Variants in BDH1 observed in about 807,000 individuals in gnomAD.
BDH1 encodes the protein 3-hydroxybutyrate dehydrogenase 1.
BDH1 carries 30 observed loss-of-function variants against 33.1 expected under a neutral mutation model. That is an observed-to-expected ratio of 0.91 (90% CI 0.68 to 1.23). The LOEUF (loss-of-function observed/expected upper bound fraction) is 1.23. BDH1 is among the 50% of genes most tolerant of loss of function. The pLI is 0.00. For synonymous variants in BDH1, 190 were observed against 183.6 expected (o/e 1.03, Z -0.28); for missense variants, 443 against 464.4 (o/e 0.95, Z 0.42).
intron 1 of BDH1, among the ~76,000 whole-genome samples, chr3:197,562,328 C>T (rs995696704): frequency 6.6e-6 from 1 of 152,132 alleles, no homozygotes; most frequent in Non-Finnish European, 1.5e-5. Flanking sequence ...TAATTAATCT[C>T]AATTGTGTTT....
At chr3:197,513,461 A>AGCCCATCCAGGTGTGCCCCCGGGAGGGCC (rs1712325198) in intron 7 of BDH1, among the ~76,000 whole-genome samples, 106 of 97,612 alleles carry the variant, frequency 1.1e-3, no homozygotes, top group Non-Finnish European at 1.9e-3. Context: ...CCGGGAGGGC[A>AGCCCATCCAGGTGTGCCCCCGGGAGGGCC]CTCAGCCCAT....
rs1456039480 is a variant in BDH1 at position 197,512,710 on chromosome 3, G to A, written c.563-346C>T. ...GGGAGAAGTGGGAGGCGAGACAGCT[G>A]TCTGTGTGGATCTGAGCTTTCACTA... On this transcript the variant is annotated intron_variant, in intron 7 of 7. Transcript: ENST00000392379. Among the ~76,000 whole-genome samples, 3 of 152,224 alleles carry A rather than the reference G, an allele frequency of 2.0e-5. 1 individual carries two copies. The highest frequency in any genetic ancestry group is 7.2e-5 in the African/African-American group (3 of 41,446).
At position 197,512,382 on chromosome 3, in the gene BDH1, G is replaced by A; in HGVS notation, c.563-18C>T. 2 of 1,590,430 alleles carry A rather than the reference G, an allele frequency of 1.3e-6. No homozygotes were observed. The highest frequency in any genetic ancestry group is 1.7e-6 in the Non-Finnish European group (2 of 1,172,316). On this transcript the variant is annotated intron_variant, in intron 7 of 7. Transcript: ENST00000392379. The stretch of plus-strand genomic sequence containing the variant: ...GACGCGGCCTACAGAGGGAGACAGA[G>A]GTACCTGCTAAGCCGTTACTGCCCT...
rs377336632 is a variant in BDH1, at chr3:197,546,503, C to T, written c.-43-17G>A. The T allele has an allele frequency of 1.8e-5, 27 of 1,519,758 alleles. No homozygotes were observed. The African/African-American group carries it at 3.2e-4, about 18-fold the overall frequency. 94.1% of individuals were successfully genotyped at this position (1,519,758 alleles called of 1,614,324 possible). ...CCGGTGGTTCTGAAACATAAATGCA[C>T]CCTCAGCATTACTTTGTTGCCTTCC... On this transcript the variant is annotated splice_polypyrimidine_tract_variant and intron_variant, in intron 2 of 7. Coordinates refer to ENST00000392379, the MANE Select transcript of BDH1 (RefSeq NM_203314.3).
rs956416042 is a variant in BDH1, at chr3:197,516,867, C to G, written c.410-2451G>C. Among the ~76,000 whole-genome samples, 1 of 152,028 alleles carries G rather than the reference C, an allele frequency of 6.6e-6. No homozygotes were observed. Among genetic ancestry groups the G allele is most frequent in the Non-Finnish European group, 1.5e-5 (1 of 68,012 alleles). On this transcript the variant is annotated intron_variant, in intron 6 of 7. Coordinates refer to ENST00000392379, the MANE Select transcript of BDH1 (RefSeq NM_203314.3). This position sits in a 1 kb window ranked among gnomAD's most constrained non-coding sequence, Gnocchi z 4.2. ...TCAAGCCCTTTACATTCATTAACTT[C>G]CCTGATCCTCACAACCACCCTGGAA...
At chr3:197,539,382 C>T (rs776078712) in intron 3 of BDH1, among the ~76,000 whole-genome samples, 40 of 152,116 alleles carry the variant, frequency 2.6e-4, no homozygotes, top group Non-Finnish European at 4.1e-4. Flanking sequence ...TCAGGTGTTC[C>T]GCCCACCTCA....
chr3:197,569,441 T>C (rs1486263084), intron 1 of BDH1, among the ~76,000 whole-genome samples: 1 of 152,166 alleles, frequency 6.6e-6, no homozygotes, highest in Non-Finnish European at 1.5e-5. Context: ...TAGGTTCTGG[T>C]TGATTATATT....
Position 197,554,384 on chromosome 3 carries a change from T to C in BDH1, c.-44+178A>G, listed in dbSNP as rs533673669. On this transcript the variant is annotated intron_variant, in intron 2 of 7. Transcript: ENST00000392379. This position sits in a 1 kb window ranked among gnomAD's most constrained non-coding sequence, Gnocchi z 4.4. The stretch of plus-strand genomic sequence containing the variant: ...CCCAAATGTTGAATCACTCTCTTCT[T>C]GCTCCTCCGAATATTTATTGTGTGA... 1 of 152,354 alleles carries C rather than the reference T, an allele frequency of 6.6e-6. No individual in the cohort carries two copies. Among genetic ancestry groups the C allele is most frequent in the Non-Finnish European group, 1.5e-5 (1 of 68,042 alleles). 9.4% of individuals were successfully genotyped at this position (152,354 alleles called of 1,614,324 possible).
rs1461059867 is a variant in BDH1, at chr3:197,516,804, A to G, written c.410-2388T>C. Among the ~76,000 whole-genome samples the G allele has an allele frequency of 1.3e-5, 2 of 151,778 alleles. No individual in the cohort carries two copies. The highest frequency in any genetic ancestry group is 2.9e-5 in the Non-Finnish European group (2 of 67,972). ...TGAGTCACCCAGTACTGCTAATATT[A>G]CAGCTCAAGATCAACATGACAGCTG... On this transcript the variant is annotated intron_variant, in intron 6 of 7. Transcript: ENST00000392379. The surrounding 1 kb of genome is among the most constrained non-coding windows in gnomAD (Gnocchi z 4.2).
intron 3 of BDH1, among the ~76,000 whole-genome samples, chr3:197,542,540 T>TTTTTTTTTG (rs1715731114): frequency 2.0e-5 from 3 of 147,620 alleles, no homozygotes; most frequent in Admixed American, 6.7e-5. Context: ...TTTTTTTTTT[T>TTTTTTTTTG]GAGACGGAGT....
At chr3:197,559,242 T>C (rs2686101), upstream of BDH1, among the ~76,000 whole-genome samples, 114,348 of 151,914 alleles carry the variant, frequency 0.75, 44,006 homozygotes, top group African/African-American at 0.89. Context: ...TCAGATGATC[T>C]GCCCACCTCA....
chr3:197,524,618 CAAG>C (rs918376366), intron 5 of BDH1, among the ~76,000 whole-genome samples: 1 of 151,824 alleles, frequency 6.6e-6, no homozygotes, highest in Non-Finnish European at 1.5e-5. Context: ...GAGCCAGGAC[CAAG>C]AAGTCCAGCT....
intron 4 of BDH1, 35 bp downstream of exon 4, chr3:197,533,454 C>A (rs775316022): frequency 5.0e-6 from 8 of 1,607,280 alleles, no homozygotes; most frequent in Non-Finnish European, 6.8e-6. Flanking sequence ...TTCTGACCAT[C>A]CAACTGGCTC....
Position 197,532,534 on chromosome 3 carries a change from G to A in BDH1, c.157-12C>T. On this transcript the variant is annotated splice_polypyrimidine_tract_variant and intron_variant, in intron 4 of 7. Coordinates refer to ENST00000392379, the MANE Select transcript of BDH1 (RefSeq NM_203314.3). ...GCTTTGCTGCCAACCTGTTTTACAAGGTCAGATTCCATGTTAGGAACCGGT... is the reference window on the plus strand; with the variant it reads ...GCTTTGCTGCCAACCTGTTTTACAAAGTCAGATTCCATGTTAGGAACCGGT... 1 of 1,607,166 alleles carries A rather than the reference G, an allele frequency of 6.2e-7. No individual in the cohort carries two copies. The highest frequency in any genetic ancestry group is 8.5e-7 in the Non-Finnish European group (1 of 1,173,792).
In BDH1 at chr3:197,514,418, T is replaced by C. The variant is rs777386089; in HGVS notation, c.410-2A>G. On this transcript the variant is annotated splice_acceptor_variant, in intron 6 of 7. Coordinates refer to ENST00000392379, the MANE Select transcript of BDH1 (RefSeq NM_203314.3). LOFTEE classifies it high-confidence loss of function. This position sits in a 1 kb window ranked among gnomAD's most constrained non-coding sequence, Gnocchi z 4.2. ...CATTGTTAACGAGGCCCCACATGCC[T>C]GGACAGGAGAGGGATAGATGTGCAT... is the stretch of plus-strand genomic sequence containing the variant. The C allele has an allele frequency of 1.2e-6, 2 of 1,601,508 alleles. No homozygotes were observed. The highest frequency in any genetic ancestry group is 1.7e-6 in the Non-Finnish European group (2 of 1,172,698).
At position 197,520,880 on chromosome 3, in the gene BDH1, C is replaced by T. The variant is rs1351579921; in HGVS notation, c.409+1760G>A. Among the ~76,000 whole-genome samples, 3 of 152,234 alleles carry T rather than the reference C, an allele frequency of 2.0e-5. No homozygotes were observed. The highest frequency in any genetic ancestry group is 2.9e-5 in the Non-Finnish European group (2 of 68,020). On this transcript the variant is annotated intron_variant, in intron 6 of 7. Transcript: ENST00000392379. The surrounding 1 kb of genome is among the most constrained non-coding windows in gnomAD (Gnocchi z 6.0). ...TGTTAATTATTAAACAGATGTTCAG[C>T]GAGAACAGAGAACAGAGAGGCCTGT...
intron 6 of BDH1, chr3:197,515,668 T>C: frequency 7.1e-6 from 7 of 985,606 alleles, no homozygotes; most frequent in Non-Finnish European, 8.4e-6. Context: ...CGCATTTCCA[T>C]ATCCCGAAGA....
chr3:197,519,707 G>A (rs929623276), intron 6 of BDH1, among the ~76,000 whole-genome samples: 2 of 152,030 alleles, frequency 1.3e-5, no homozygotes, highest in East Asian at 1.9e-4. Context: ...CTGACTGACT[G>A]GTAAGTGATG....
At chr3:197,517,184 C>T (rs1408564796) in intron 6 of BDH1, among the ~76,000 whole-genome samples, 2 of 151,964 alleles carry the variant, frequency 1.3e-5, no homozygotes, top group Non-Finnish European at 2.9e-5. Context: ...CGTCTTCACC[C>T]CACCCCTCAG....
Sources: gnomAD v4.1 joint callset for allele counts (sites outside exome capture counted in the v4.1 genomes callset) on GRCh38, gnomAD v4.1.1 for gene constraint, Gnocchi (gnomAD v3.1) non-coding constraint, MANE v1.5 for transcripts, NCBI Gene and HGNC (gene_info 2026-07-23, HGNC 2026-07-21) for gene names.